LRRC69: variants seen among roughly 807,000 people sequenced by gnomAD.
LRRC69 encodes leucine-rich repeat-containing protein 69.
LRRC69 carries 42 observed loss-of-function variants against 37.8 expected under a neutral mutation model. The ratio of observed to expected loss-of-function variants is 1.11; its 90% CI spans 0.87 to 1.44. The LOEUF (loss-of-function observed/expected upper bound fraction) is 1.44, where lower values mean the gene tolerates loss of function less well. Ranked by LOEUF, LRRC69 falls within the 40% of genes most tolerant of loss-of-function variation. The pLI is 0.00. For synonymous variants in LRRC69, 141 were observed against 143.1 expected, an observed-to-expected ratio of 0.99 and a Z score of 0.11; for missense variants, 357 against 401.9, an observed-to-expected ratio of 0.89 and a Z score of 0.96.
chr8:91,127,601 C>CAAAA (rs554876868), intron 3 of LRRC69, among the ~76,000 whole-genome samples: 3 of 66,556 alleles, frequency 4.5e-5, no homozygotes, highest in African/African-American at 5.7e-5. Context: ...TGTCATTAAC[C>CAAAA]AAAAAAAAAA....
chr8:91,147,189 C>T (rs988756732), intron 5 of LRRC69, among the ~76,000 whole-genome samples: 5 of 148,996 alleles, frequency 3.4e-5, no homozygotes, highest in African/African-American at 1.2e-4. Context: ...GCTAATAATG[C>T]TTTGGCTTTA....
intron 5 of LRRC69, among the ~76,000 whole-genome samples, chr8:91,148,576 A>T (rs1394957742): frequency 6.6e-6 from 1 of 151,998 alleles, no homozygotes; most frequent in East Asian, 1.9e-4. Flanking sequence ...AGCATGATTT[A>T]TAATCCTTTG....
intron 6 of LRRC69, among the ~76,000 whole-genome samples, chr8:91,193,064 A>G (rs890149470): frequency 2.1e-4 from 31 of 148,056 alleles, no homozygotes; most frequent in African/African-American, 7.2e-4. Context: ...CTTTCTACAT[A>G]TGGCTAGCCA....
At chr8:91,159,058 C>G (rs537772551) in intron 5 of LRRC69, among the ~76,000 whole-genome samples, 4 of 151,182 alleles carry the variant, frequency 2.6e-5, no homozygotes, top group South Asian at 2.1e-4. Context: ...GATCTATGAC[C>G]AGATATTCTC....
At chr8:91,179,874 C>A (rs1809295309) in intron 5 of LRRC69, among the ~76,000 whole-genome samples, 1 of 152,124 alleles carries the variant, frequency 6.6e-6, no homozygotes, top group South Asian at 2.1e-4. Context: ...TGGGATATTA[C>A]AATGAAACGT....
In LRRC69 at chr8:91,152,367, A is replaced by G. The variant is rs570348849; in HGVS notation, c.651+16628A>G. Among the ~76,000 whole-genome samples the G allele has an allele frequency of 4.6e-5, 7 of 151,828 alleles. No individual in the cohort carries two copies. The East Asian group carries it at 1.4e-3, about 30-fold the overall frequency. On this transcript the variant is annotated intron_variant, in intron 5 of 7. Transcript: ENST00000448384. ...CATATGGCTAGCCAGTTTTCCTAGC[A>G]CCATTTATTAAATAGGGAATACTTT...
intron 6 of LRRC69, among the ~76,000 whole-genome samples, chr8:91,192,307 C>G (rs564064818): frequency 6.6e-6 from 1 of 151,974 alleles, no homozygotes; most frequent in South Asian, 2.1e-4. Flanking sequence ...AATAAACATA[C>G]GTGTGCATGT....
chr8:91,156,834 G>A (rs949008555), intron 5 of LRRC69, among the ~76,000 whole-genome samples: 1 of 150,872 alleles, frequency 6.6e-6, no homozygotes, highest in African/African-American at 2.4e-5. Flanking sequence ...AATCTTCTGT[G>A]TATGGATATT....
intron 1 of LRRC69, among the ~76,000 whole-genome samples, chr8:91,110,745 C>T (rs1173367749): frequency 6.6e-6 from 1 of 151,918 alleles, no homozygotes; most frequent in Admixed American, 6.6e-5. Flanking sequence ...TTAATAGCTA[C>T]AAGCATGGAA....
intron 5 of LRRC69, among the ~76,000 whole-genome samples, chr8:91,172,666 C>T (rs1809153585): frequency 6.6e-6 from 1 of 151,956 alleles, no homozygotes; most frequent in Admixed American, 6.6e-5. Context: ...CAGTCATGCA[C>T]CACCACACTC....
chr8:91,209,845 G>C (rs1041296718), intron 7 of LRRC69, among the ~76,000 whole-genome samples: 1 of 152,168 alleles, frequency 6.6e-6, no homozygotes, highest in Non-Finnish European at 1.5e-5. Context: ...ACAACTAGAA[G>C]ATGGGTAATG....
intron 5 of LRRC69, among the ~76,000 whole-genome samples, chr8:91,176,495 C>G (rs1215625257): frequency 6.6e-6 from 1 of 151,940 alleles, no homozygotes; most frequent in African/African-American, 2.4e-5. Context: ...AGAAACAGAA[C>G]CAACAGGATA....
chr8:91,157,841 C>A, intron 5 of LRRC69: 2 of 1,605,654 alleles, frequency 1.2e-6, no homozygotes, highest in South Asian at 1.1e-5. Context: ...GGAGCTGCAT[C>A]ATTTACAAGA....
chr8:91,136,011 A>G (rs560056119), intron 5 of LRRC69, among the ~76,000 whole-genome samples: 4 of 152,086 alleles, frequency 2.6e-5, no homozygotes, highest in African/African-American at 9.6e-5. Flanking sequence ...TTTGGTTATT[A>G]CACACTGCTT....
At chr8:91,156,281 T>C (rs1040521939) in intron 5 of LRRC69, among the ~76,000 whole-genome samples, 10 of 151,254 alleles carry the variant, frequency 6.6e-5, no homozygotes, top group Non-Finnish European at 4.4e-5. Context: ...GGATGAGATA[T>C]GTCTTACTGT....
At chr8:91,202,934 T>C (rs1352323702) in intron 7 of LRRC69, among the ~76,000 whole-genome samples, 1 of 152,184 alleles carries the variant, frequency 6.6e-6, no homozygotes, top group African/African-American at 2.4e-5. Context: ...AAATTATGGA[T>C]TGAAGATGCA....
rs569545715 is a variant in LRRC69, at chr8:91,149,713, A to G, written c.651+13974A>G. 5.3e-5 allele frequency among the ~76,000 whole-genome samples: 8 copies of G among 152,114 alleles called. No homozygotes were observed. The East Asian group carries it at 1.4e-3, about 26-fold the overall frequency. On this transcript the variant is annotated intron_variant, in intron 5 of 7. Coordinates refer to ENST00000448384, the Ensembl canonical transcript of LRRC69. ...TTCATGATATTGATTCTTCCTACCC[A>G]TGAGCATGGAATGTTCTTCCATTTG...
chr8:91,180,840 G>T (rs548072519), intron 5 of LRRC69, among the ~76,000 whole-genome samples: 7 of 152,286 alleles, frequency 4.6e-5, no homozygotes, highest in African/African-American at 1.7e-4. Context: ...TAAGAAGGGG[G>T]CTAAAGAGAA....
chr8:91,192,671 T>C (rs1228911694), intron 6 of LRRC69, among the ~76,000 whole-genome samples: 2 of 152,228 alleles, frequency 1.3e-5, no homozygotes, highest in African/African-American at 2.4e-5. Flanking sequence ...TTCATGTCCT[T>C]TGCCGAATTT....
Sources: allele counts gnomAD v4.1 joint callset (sites outside exome capture counted in the v4.1 genomes callset), GRCh38; gene constraint gnomAD v4.1.1; transcripts MANE v1.5; gene names NCBI Gene and HGNC (gene_info 2026-07-23, HGNC 2026-07-21).